DNAI3: variants seen among roughly 807,000 people sequenced by gnomAD.
DNAI3 encodes WD repeat domain 63.
A neutral mutation model predicts 115.5 loss-of-function variants in DNAI3; 83 were observed. That is an observed-to-expected ratio of 0.72 (90% CI 0.60 to 0.86). The LOEUF (loss-of-function observed/expected upper bound fraction) is 0.86, where lower values mean the gene tolerates loss of function less well. Ranked by LOEUF, DNAI3 falls within the 40% of genes least tolerant of loss-of-function variation. DNAI3 has a pLI of 0.00. For missense variants in DNAI3, 1,004 were observed against 1,075.8 expected (o/e 0.93, Z 0.93); for synonymous variants, 320 against 347.0 (o/e 0.92, Z 0.86).
chr1:85,085,737 A>G (rs1654781304), intron 6 of DNAI3, 94 bp from the exon 7 acceptor site: 2 of 1,027,930 alleles, frequency 1.9e-6, no homozygotes, highest in Non-Finnish European at 2.9e-6. Flanking sequence ...CAGAAAGTGC[A>G]CAAAGGGCTC....
At chr1:85,087,237 A>G in intron 7 of DNAI3, among the ~76,000 whole-genome samples, 1 of 151,978 alleles carries the variant, frequency 6.6e-6, no homozygotes, top group East Asian at 1.9e-4. Flanking sequence ...AGAGATCGAG[A>G]CCATCCTGGC....
chr1:85,117,874 T>C lies in DNAI3; in HGVS notation c.1917+15T>C, dbSNP rs777590991. 3.7e-6 allele frequency: 6 copies of C among 1,609,720 alleles called. No homozygotes were observed. Among genetic ancestry groups the C allele is most frequent in the Admixed American group, 3.3e-5 (2 of 59,912 alleles). ...TGGGAACAGAGGTAAATTGGGATTATCTGCTTTTAAAATTAATACTTATTT... is the reference window on the plus strand; with the variant it reads ...TGGGAACAGAGGTAAATTGGGATTACCTGCTTTTAAAATTAATACTTATTT... On this transcript the variant is annotated intron_variant, in intron 17 of 22. Transcript: ENST00000294664.
Position 85,096,037 on chromosome 1 carries a change from T to C in DNAI3, c.1263+17T>C. 2 of 1,610,468 alleles carry C rather than the reference T, an allele frequency of 1.2e-6. No homozygotes were observed. The highest frequency in any genetic ancestry group is 1.7e-6 in the Non-Finnish European group (2 of 1,177,052). The stretch of plus-strand genomic sequence containing the variant: ...AATGGGCAGGTACTTAACAGAATTT[T>C]TTTCAGCTATGTATTAATGTAGACA... On this transcript the variant is annotated intron_variant, in intron 11 of 22. Coordinates refer to ENST00000294664, the MANE Select transcript of DNAI3 (RefSeq NM_145172.5).
Position 85,121,734 on chromosome 1 carries a change from AC to A in DNAI3, c.1918-15del. ...TAAGTTGTCATTGTACTCATCAGGA[AC>A]CTGTAATATTTTTAGGAAGGCGAAG... is the stretch of plus-strand genomic sequence containing the variant. On this transcript the variant is annotated splice_polypyrimidine_tract_variant and intron_variant, in intron 17 of 22. Transcript: ENST00000294664. 1 of 1,613,394 alleles carries A rather than the reference AC, an allele frequency of 6.2e-7. No homozygotes were observed. The highest frequency in any genetic ancestry group is 8.5e-7 in the Non-Finnish European group (1 of 1,179,416).
At position 85,096,479 on chromosome 1, in the gene DNAI3, T is replaced by TTA. The variant is rs147746001; in HGVS notation, c.1263+472_1263+473dup. On this transcript the variant is annotated intron_variant, in intron 11 of 22. Transcript: ENST00000294664. The stretch of plus-strand genomic sequence containing the variant: ...GTGTGTATATATATATATAGATAGA[T>TTA]TATATATATATATAAAGATTATATA... 9.5e-4 allele frequency among the ~76,000 whole-genome samples: 140 copies of TTA among 146,700 alleles called. 1 individual carries two copies. In the Middle Eastern group the frequency reaches 0.011, roughly 11 times the overall value.
chr1:85,093,474 C>A lies in DNAI3; in HGVS notation c.874C>A (p.Gln292Lys). The change falls in exon 9 of 23, where the codon CAG becomes AAG. Residue 292 changes from glutamine to lysine, a missense_variant. By Grantham distance (53) the Gln-to-Lys change is moderately conservative. Coordinates refer to ENST00000294664, the MANE Select transcript of DNAI3 (RefSeq NM_145172.5). ...ACAAATTAGTGTTGAAATAGCCCTG[C>A]AGCAAAATGAAATCATGAACACATT... ...NASISVEIALQQNEIMNTFID... is the reference protein window; with the variant it reads ...NASISVEIALKQNEIMNTFID... 1 of 1,613,764 alleles carries A rather than the reference C, an allele frequency of 6.2e-7. No homozygotes were observed. Among genetic ancestry groups the A allele is most frequent in the Non-Finnish European group, 8.5e-7 (1 of 1,179,912 alleles).
At chr1:85,096,054 A>T in intron 11 of DNAI3, 34 bp downstream of exon 11, 1 of 1,587,884 alleles carries the variant, frequency 6.3e-7, no homozygotes, top group Non-Finnish European at 8.6e-7. Flanking sequence ...CTATGTATTA[A>T]TGTAGACAAC....
chr1:85,067,191 T>C (rs893597831), intron 1 of DNAI3, among the ~76,000 whole-genome samples: 2 of 152,232 alleles, frequency 1.3e-5, no homozygotes, highest in African/African-American at 2.4e-5. Context: ...GTAGATATTA[T>C]GCTTTTTAGT....
intron 8 of DNAI3, among the ~76,000 whole-genome samples, chr1:85,091,195 GT>G (rs1654962789): frequency 6.6e-6 from 1 of 152,136 alleles, no homozygotes. Flanking sequence ...TCAAAATTTA[GT>G]AGTCATTACA....
Position 85,128,751 on chromosome 1 carries a change from G to A in DNAI3, c.2361G>A (p.Leu787=). The change falls in exon 21 of 23, where the codon CTG becomes CTA. Residue 787 remains leucine, a synonymous_variant. Coordinates refer to ENST00000294664, the MANE Select transcript of DNAI3 (RefSeq NM_145172.5). The part of the protein sequence containing the change: ...FIATADYYGT[L]HILEIPWTLS... ...CCACAGCTGATTATTATGGAACACT[G>A]CATATATTAGAAATTCCTTGGACAT... 1 of 1,612,754 alleles carries A rather than the reference G, an allele frequency of 6.2e-7. No homozygotes were observed. Among genetic ancestry groups the A allele is most frequent in the Middle Eastern group, 1.7e-4 (1 of 6,044 alleles).
chr1:85,094,376 C>T (rs894139957), intron 9 of DNAI3, 55 bp from the exon 10 acceptor site: 13 of 1,603,560 alleles, frequency 8.1e-6, no homozygotes, highest in Non-Finnish European at 1.1e-5. Flanking sequence ...AAGCTAGAGA[C>T]ATCTCTCCAT....
chr1:85,065,250 C>T (rs528400219), intron 1 of DNAI3, among the ~76,000 whole-genome samples: 257 of 151,932 alleles, frequency 1.7e-3, no homozygotes, highest in Non-Finnish European at 3.0e-3. Context: ...TGGGAATAAG[C>T]CACACATACA....
chr1:85,104,272 C>A (rs1057274093), intron 13 of DNAI3, among the ~76,000 whole-genome samples: 39 of 152,030 alleles, frequency 2.6e-4, no homozygotes, highest in Non-Finnish European at 4.0e-4. Flanking sequence ...AGGCGCCCAC[C>A]ACCACGCCCG....
At chr1:85,093,858 T>C (rs1488864158) in intron 9 of DNAI3, 6 of 683,646 alleles carry the variant, frequency 8.8e-6, no homozygotes, top group Admixed American at 2.1e-5. Context: ...TTATCTCTGT[T>C]TCACAACAAA....
chr1:85,079,158 C>T (rs539310195), intron 3 of DNAI3, among the ~76,000 whole-genome samples: 1 of 152,334 alleles, frequency 6.6e-6, no homozygotes, highest in South Asian at 2.1e-4. Context: ...ACCCATTCAA[C>T]ACTACAAATG....
At chr1:85,094,930 G>C (rs1434163133) in intron 10 of DNAI3, among the ~76,000 whole-genome samples, 13 of 152,208 alleles carry the variant, frequency 8.5e-5, no homozygotes, top group Non-Finnish European at 7.3e-5. Context: ...ATGTGTGGGA[G>C]AGCACTGGGG....
chr1:85,073,866 G>C (rs1468904906), intron 3 of DNAI3, among the ~76,000 whole-genome samples: 1 of 152,140 alleles, frequency 6.6e-6, no homozygotes, highest in Non-Finnish European at 1.5e-5. Context: ...ACAATCCAGG[G>C]GAAAGATGGT....
intron 18 of DNAI3, among the ~76,000 whole-genome samples, chr1:85,123,728 A>G (rs916394380): frequency 6.6e-6 from 1 of 152,276 alleles, no homozygotes. Context: ...TTGAAATTCT[A>G]TCTTTCCCAC....
At chr1:85,099,653 C>T (rs1258300034) in intron 13 of DNAI3, among the ~76,000 whole-genome samples, 14 of 152,146 alleles carry the variant, frequency 9.2e-5, no homozygotes, top group Non-Finnish European at 1.6e-4. Context: ...AAAAAGAGCC[C>T]GCATTGCCAA....
Sources: allele counts gnomAD v4.1 joint callset (sites outside exome capture counted in the v4.1 genomes callset), GRCh38; gene constraint gnomAD v4.1.1; transcripts MANE v1.5; gene names NCBI Gene and HGNC (gene_info 2026-07-23, HGNC 2026-07-21).